MTOR: variants seen among roughly 807,000 people sequenced by gnomAD.
The protein encoded by MTOR is serine/threonine-protein kinase mTOR.
MTOR carries 70 observed loss-of-function variants against 319.8 expected under a neutral mutation model. The ratio of observed to expected loss-of-function variants is 0.22; its 90% CI spans 0.18 to 0.27. The LOEUF (loss-of-function observed/expected upper bound fraction) is 0.27, where lower values mean the gene tolerates loss of function less well. Ranked by LOEUF, MTOR falls within the 10% of genes least tolerant of loss-of-function variation. The pLI is 1.00. For synonymous variants in MTOR, 1,183 were observed against 1,211.4 expected, an observed-to-expected ratio of 0.98 and a Z score of 0.49; for missense variants, 1,890 against 3,274.4, an observed-to-expected ratio of 0.58 and a Z score of 10.32.
At chr1:11,113,154 G>C (rs1279877367) in intron 53 of MTOR, among the ~76,000 whole-genome samples, 1 of 152,170 alleles carries the variant, frequency 6.6e-6, no homozygotes, top group East Asian at 1.9e-4. Flanking sequence ...GATAATATAA[G>C]GTCAAAGTAT....
chr1:11,248,010 T>C lies in MTOR; in HGVS notation c.925A>G (p.Lys309Glu). The C allele has an allele frequency of 6.2e-7, 1 of 1,614,180 alleles. No homozygotes were observed. The highest frequency in any genetic ancestry group is 8.5e-7 in the Non-Finnish European group (1 of 1,180,036). ...GTGAAGGGGGTAATGTGACGAGGTT[T>C]TGTTCCGAAGCCCATGAGATCTTTG... ...YCKDLMGFGT[K>E]PRHITPFTSF... is the part of the protein sequence containing the mutation. Residue 309 changes from lysine to glutamate, a missense_variant, in exon 7 of 58, where the codon AAA becomes GAA. Physicochemically the swap from Lys to Glu is moderately conservative, Grantham distance 56. Transcript: ENST00000361445.
chr1:11,171,933 G>T (rs969581701), intron 28 of MTOR, among the ~76,000 whole-genome samples: 1 of 151,818 alleles, frequency 6.6e-6, no homozygotes, highest in South Asian at 2.1e-4. Context: ...TACTGGGAAG[G>T]CTGAGGCAGG....
intron 9 of MTOR, among the ~76,000 whole-genome samples, chr1:11,242,500 C>CAAAGAAAAAA (rs1648193751): frequency 1.9e-5 from 1 of 52,632 alleles, no homozygotes; most frequent in Non-Finnish European, 3.1e-5. Context: ...GACTCCATCT[C>CAAAGAAAAAA]AAAAAAAAAA....
chr1:11,123,898 G>A (rs1283337200), intron 47 of MTOR, among the ~76,000 whole-genome samples: 2 of 151,148 alleles, frequency 1.3e-5, no homozygotes, highest in Admixed American at 1.3e-4. Context: ...AGCAATTCTC[G>A]TGCCTCAGCC....
chr1:11,141,114 A>G lies in MTOR; in HGVS notation c.4873-1456T>C, dbSNP rs1180332722. On this transcript the variant is annotated intron_variant, in intron 34 of 57. Transcript: ENST00000361445. ...AAATGCTTCATTTAGTTACACTTAG[A>G]AATTCTTCTTTCTTTTTTTTTGATA... Among the ~76,000 whole-genome samples the G allele has an allele frequency of 2.0e-5, 3 of 152,012 alleles. No homozygotes were observed. In the East Asian group the frequency reaches 5.8e-4, roughly 29 times the overall value.
intron 2 of MTOR, 67 bp downstream of exon 2, chr1:11,259,181 T>A (rs1294054325): frequency 2.6e-6 from 4 of 1,559,328 alleles, no homozygotes; most frequent in Admixed American, 4.1e-5. Flanking sequence ...CAAAAAAAAA[T>A]GTAAACCAGT....
chr1:11,252,339 T>G (rs992171295), intron 6 of MTOR, among the ~76,000 whole-genome samples: 3 of 151,868 alleles, frequency 2.0e-5, no homozygotes. Flanking sequence ...CTCACCGTCT[T>G]TTGCCCAGGC....
chr1:11,123,559 A>G (rs1441518811), intron 47 of MTOR, among the ~76,000 whole-genome samples: 2 of 151,792 alleles, frequency 1.3e-5, no homozygotes, highest in African/African-American at 4.8e-5. Context: ...GCCTCAACCA[A>G]CTGGGCTAAG....
At chr1:11,123,265 T>G (rs904549227) in intron 47 of MTOR, among the ~76,000 whole-genome samples, 6 of 152,166 alleles carry the variant, frequency 3.9e-5, no homozygotes, top group African/African-American at 1.4e-4. Context: ...TAAAAAATAT[T>G]ATTTACTTTT....
intron 46 of MTOR, 46 bp downstream of exon 46, chr1:11,126,576 G>C: frequency 1.9e-6 from 3 of 1,595,164 alleles, no homozygotes; most frequent in Non-Finnish European, 2.6e-6. Context: ...GTCTCAGCCA[G>C]TGTAGGAGGG....
At chr1:11,112,964 T>G in intron 53 of MTOR, 47 bp from the exon 54 acceptor site, 1 of 1,580,250 alleles carries the variant, frequency 6.3e-7, no homozygotes, top group East Asian at 2.2e-5. Context: ...AAATTTTGAC[T>G]TGAAAGAAAC....
At chr1:11,250,233 C>CT (rs1236174950) in intron 6 of MTOR, among the ~76,000 whole-genome samples, 3 of 129,384 alleles carry the variant, frequency 2.3e-5, no homozygotes, top group Non-Finnish European at 3.3e-5. Context: ...GCTGACCCCC[C>CT]ACCTCCCTCC....
rs140638297 is a variant in MTOR, at chr1:11,134,333, G to C, written c.5246+18C>G. 2.7e-4 allele frequency: 439 copies of C among 1,609,940 alleles called. No homozygotes were observed. In the African/African-American group the frequency reaches 4.6e-3, roughly 17 times the overall value. On this transcript the variant is annotated intron_variant, in intron 37 of 57. Transcript: ENST00000361445. The stretch of plus-strand genomic sequence containing the variant: ...CAGGGCTGGAATATGACTTGCCCCA[G>C]GTCAGTGGGGACCTCACCGGGCCAT...
In MTOR at chr1:11,128,153, A is replaced by T. The variant is rs1359732921; in HGVS notation, c.5911-27T>A. 1 of 1,612,746 alleles carries T rather than the reference A, an allele frequency of 6.2e-7. No individual in the cohort carries two copies. ...TGAGGGAAAAACAGAAGAAACATCT[A>T]TAAAGGAAATGTGGGTTGGGGAAGA... On this transcript the variant is annotated intron_variant, in intron 42 of 57. Transcript: ENST00000361445. The surrounding 1 kb of genome is among the most constrained non-coding windows in gnomAD (Gnocchi z 5.3).
intron 50 of MTOR, 111 bp downstream of exon 50, chr1:11,116,887 ACAATAC>A: frequency 2.6e-6 from 2 of 770,948 alleles, no homozygotes; most frequent in Non-Finnish European, 4.3e-6. Flanking sequence ...CCTTACATAT[ACAATAC>A]CAATATTTAT....
In MTOR at chr1:11,144,728, C is replaced by G. The variant is rs1451215028; in HGVS notation, c.4792G>C (p.Glu1598Gln). 6.2e-7 allele frequency: 1 copy of G among 1,613,564 alleles called. No homozygotes were observed. The highest frequency in any genetic ancestry group is 8.5e-7 in the Non-Finnish European group (1 of 1,180,008). The change falls in exon 34 of 58, where the codon GAG becomes CAG. Residue 1598 changes from glutamate to glutamine, a missense_variant. Glu to Gln is a conservative substitution (Grantham distance 29). Transcript: ENST00000361445. ...GAMVSCHMLS[E>Q]LEEVIQYKLV... ...TTGTACTGGATAACCTCCTCCAGCT[C>G]GGACAGCATGTGGCAAGAAACCATG...
chr1:11,198,256 G>A (rs1262022928), intron 28 of MTOR, among the ~76,000 whole-genome samples: 1 of 152,228 alleles, frequency 6.6e-6, no homozygotes, highest in East Asian at 1.9e-4. Flanking sequence ...AGGACGGCAT[G>A]TTTTTAATTA....
At chr1:11,119,725 A>G (rs1169000087) in intron 49 of MTOR, among the ~76,000 whole-genome samples, 2 of 151,298 alleles carry the variant, frequency 1.3e-5, no homozygotes, top group Non-Finnish European at 2.9e-5. Context: ...CAGCCTGGGT[A>G]ACAGAGTAAG....
chr1:11,151,226 G>A (rs1001106213), intron 30 of MTOR, among the ~76,000 whole-genome samples: 1 of 152,170 alleles, frequency 6.6e-6, no homozygotes, highest in Non-Finnish European at 1.5e-5. Context: ...ACGTCTAGGA[G>A]AGGTACTCAG....
Sources: gnomAD v4.1 joint callset for allele counts (sites outside exome capture counted in the v4.1 genomes callset) on GRCh38, gnomAD v4.1.1 for gene constraint, Gnocchi (gnomAD v3.1) non-coding constraint, MANE v1.5 for transcripts, NCBI Gene and HGNC (gene_info 2026-07-23, HGNC 2026-07-21) for gene names.